Variants in HNRNPC observed in about 807,000 individuals in gnomAD.
HNRNPC encodes the protein heterogeneous nuclear ribonucleoprotein C.
Under a neutral mutation model 33.2 loss-of-function variants are expected in HNRNPC, and 3 were observed. The observed-to-expected ratio is 0.09, with a 90% CI of 0.04 to 0.23. The LOEUF is 0.23. HNRNPC is among the 10% of genes least tolerant of loss of function. The pLI is 1.00. For synonymous variants in HNRNPC, 121 were observed against 126.7 expected, an observed-to-expected ratio of 0.96 and a Z score of 0.30; for missense variants, 143 against 366.7, an observed-to-expected ratio of 0.39 and a Z score of 4.98.
intron 5 of HNRNPC, among the ~76,000 whole-genome samples, chr14:21,224,549 C>T (rs951143024): frequency 1.3e-5 from 2 of 152,132 alleles, no homozygotes; most frequent in Non-Finnish European, 2.9e-5. Flanking sequence ...ACCTTTAGTC[C>T]AACCAATCAC....
chr14:21,222,953 C>G lies in HNRNPC; in HGVS notation c.365+7366G>C, dbSNP rs570712163. Among the ~76,000 whole-genome samples the G allele has an allele frequency of 3.3e-5, 5 of 152,118 alleles. No homozygotes were observed. In the South Asian group the frequency reaches 1.0e-3, roughly 32 times the overall value. On this transcript the variant is annotated intron_variant, in intron 5 of 8. Transcript: ENST00000553300. ...TGATGGCTCACGCCTGTAATCCTAG[C>G]ACTTTGGGAGGCTGAGGCGGCCAGA...
intron 5 of HNRNPC, among the ~76,000 whole-genome samples, chr14:21,225,148 C>T (rs776636718): frequency 2.3e-4 from 35 of 152,038 alleles, no homozygotes; most frequent in Admixed American, 5.9e-4. Flanking sequence ...AGGCCAGGAA[C>T]GATGGCTCAC....
chr14:21,247,833 A>G (rs2138873495), intron 2 of HNRNPC, among the ~76,000 whole-genome samples: 1 of 151,802 alleles, frequency 6.6e-6, no homozygotes, highest in East Asian at 1.9e-4. Context: ...AAAAAAAAAA[A>G]AAAATTAGCC....
chr14:21,254,059 TC>T (rs1354301921), intron 2 of HNRNPC, among the ~76,000 whole-genome samples: 6 of 93,900 alleles, frequency 6.4e-5, no homozygotes, highest in Non-Finnish European at 8.1e-5. Flanking sequence ...AGATTCCGTC[TC>T]AAAAAAAAAA....
chr14:21,251,260 CAAAAAAA>C (rs71419116), intron 2 of HNRNPC, among the ~76,000 whole-genome samples: 548 of 49,486 alleles, frequency 0.011, 6 homozygotes, highest in African/African-American at 0.039. Flanking sequence ...GACTCCCTCT[CAAAAAAA>C]AAAAAAAAAA....
intron 5 of HNRNPC, among the ~76,000 whole-genome samples, chr14:21,226,646 C>T (rs969485352): frequency 2.6e-5 from 4 of 152,068 alleles, no homozygotes; most frequent in African/African-American, 7.3e-5. Flanking sequence ...CCCTTGAGCC[C>T]AGGCGGGTGG....
intron 2 of HNRNPC, among the ~76,000 whole-genome samples, chr14:21,236,031 C>T (rs2139671138): frequency 6.6e-6 from 1 of 152,218 alleles, no homozygotes; most frequent in East Asian, 1.9e-4. Context: ...TGACCATTTT[C>T]TCAATTTTCA....
At chr14:21,264,674 C>G (rs1461727484) in intron 1 of HNRNPC, 1 of 152,138 alleles carries the variant, frequency 6.6e-6, no homozygotes, top group African/African-American at 2.4e-5. Context: ...AATGAACTAG[C>G]TGCACTCACT....
At chr14:21,266,501 C>T (rs1313917602) in intron 1 of HNRNPC, among the ~76,000 whole-genome samples, 1 of 151,874 alleles carries the variant, frequency 6.6e-6, no homozygotes, top group Non-Finnish European at 1.5e-5. Context: ...ATAAATAAAT[C>T]CAAAAACACA....
intron 2 of HNRNPC, among the ~76,000 whole-genome samples, chr14:21,262,271 T>C (rs990181529): frequency 2.0e-5 from 3 of 152,140 alleles, no homozygotes; most frequent in African/African-American, 7.2e-5. Flanking sequence ...TGACAGAAAA[T>C]GTTTACTGAT....
At chr14:21,255,587 T>C (rs1316714997) in intron 2 of HNRNPC, among the ~76,000 whole-genome samples, 3 of 152,220 alleles carry the variant, frequency 2.0e-5, no homozygotes, top group Non-Finnish European at 4.4e-5. Flanking sequence ...AGCTATGCTA[T>C]TTATGCCCAC....
At position 21,209,377 on chromosome 14, in the gene HNRNPC, C is replaced by G. The variant is rs1326291726; in HGVS notation, c.*1846G>C. 1 of 152,162 alleles carries G rather than the reference C, an allele frequency of 6.6e-6. No individual in the cohort carries two copies. The highest frequency in any genetic ancestry group is 2.4e-5 in the African/African-American group (1 of 41,444). 9.4% of individuals were successfully genotyped at this position (152,162 alleles called of 1,614,324 possible). A position where few individuals can be genotyped will look rare whatever the true frequency, so the allele number is the denominator to read the frequency against. On this transcript the variant is annotated 3_prime_UTR_variant, in exon 9 of 9. Coordinates refer to ENST00000553300, the MANE Select transcript of HNRNPC (RefSeq NM_004500.4). ...TTCAGTATTTCCCAAAAACTTACAG[C>G]TAACAATAATATTAAACAGGTTTTA...
chr14:21,228,410 GAGA>G (rs1187502292), intron 5 of HNRNPC, among the ~76,000 whole-genome samples: 3 of 152,086 alleles, frequency 2.0e-5, no homozygotes, highest in Non-Finnish European at 2.9e-5. Flanking sequence ...TTTATTTTTT[GAGA>G]AGGAGTCTCA....
At chr14:21,211,675 A>C in intron 7 of HNRNPC, 109 bp from the exon 8 acceptor site, 1 of 1,429,838 alleles carries the variant, frequency 7.0e-7, no homozygotes, top group Middle Eastern at 1.8e-4. Flanking sequence ...CCTCCCACAC[A>C]AATACCCTTC....
At chr14:21,258,631 AGT>A (rs1192768708) in intron 2 of HNRNPC, among the ~76,000 whole-genome samples, 1 of 152,212 alleles carries the variant, frequency 6.6e-6, no homozygotes, top group Non-Finnish European at 1.5e-5. Context: ...CAACTTTAAC[AGT>A]GTTGGACATA....
chr14:21,247,432 T>C (rs1896105612), intron 2 of HNRNPC, among the ~76,000 whole-genome samples: 1 of 152,334 alleles, frequency 6.6e-6, no homozygotes, highest in African/African-American at 2.4e-5. Context: ...ATTTCAATTT[T>C]TGAACAATAA....
intron 5 of HNRNPC, among the ~76,000 whole-genome samples, chr14:21,222,994 T>A (rs1252828931): frequency 1.3e-5 from 2 of 151,908 alleles, no homozygotes; most frequent in African/African-American, 4.8e-5. Flanking sequence ...AGGTCAGGTG[T>A]TCGAGACTAG....
intron 2 of HNRNPC, among the ~76,000 whole-genome samples, chr14:21,252,315 T>G (rs1424117846): frequency 2.6e-5 from 4 of 152,212 alleles, no homozygotes; most frequent in African/African-American, 7.2e-5. Flanking sequence ...TTGGTCTTTT[T>G]TTGTTGTTGT....
In HNRNPC at chr14:21,235,246, CTTAAGA is replaced by C. The variant is rs536114044; in HGVS notation, c.-36-1023_-36-1018del. On this transcript the variant is annotated intron_variant, in intron 2 of 8. Coordinates refer to ENST00000553300, the MANE Select transcript of HNRNPC (RefSeq NM_004500.4). ...ATCTTGAACAAGATTTAAAAACATTCTTAAGATTGATTTCCCCTTCATCCCTTTGAA... is the reference window on the plus strand; with the variant it reads ...ATCTTGAACAAGATTTAAAAACATTCTTGATTTCCCCTTCATCCCTTTGAA... Among the ~76,000 whole-genome samples the C allele has an allele frequency of 6.4e-3, 982 of 152,270 alleles. 5 individuals carry two copies. Among genetic ancestry groups the C allele is most frequent in the Non-Finnish European group, 0.011 (717 of 68,010 alleles).
Sources: allele counts gnomAD v4.1 joint callset (sites outside exome capture counted in the v4.1 genomes callset), GRCh38; gene constraint gnomAD v4.1.1; transcripts MANE v1.5; gene names NCBI Gene and HGNC (gene_info 2026-07-23, HGNC 2026-07-21).